The following CDK17 variants were observed in gnomAD, a reference collection of about 807,000 sequenced individuals.
CDK17 encodes the protein cyclin-dependent kinase 17.
CDK17 carries 24 observed loss-of-function variants against 77.6 expected under a neutral mutation model. The observed-to-expected ratio is 0.31, with a 90% confidence interval of 0.22 to 0.44. CDK17 has a LOEUF of 0.44. Among genes scored for constraint, CDK17 ranks in the 20% least tolerant of loss-of-function variants. CDK17 has a pLI of 1.00. For synonymous variants in CDK17, 203 were observed against 210.4 expected (o/e 0.96, Z 0.30); for missense variants, 429 against 622.5 (o/e 0.69, Z 3.31).
intron 1 of CDK17, among the ~76,000 whole-genome samples, chr12:96,364,478 C>T (rs1229649568): frequency 6.6e-6 from 1 of 152,156 alleles, no homozygotes; most frequent in African/African-American, 2.4e-5. Context: ...TTGCATATTC[C>T]TGGTGACTAA....
At chr12:96,392,348 A>G (rs1379354906) in intron 1 of CDK17, among the ~76,000 whole-genome samples, 1 of 152,216 alleles carries the variant, frequency 6.6e-6, no homozygotes, top group Non-Finnish European at 1.5e-5. Flanking sequence ...TACTTCAGAC[A>G]TGGATGGATG....
chr12:96,313,445 T>A lies in CDK17; in HGVS notation c.293A>T (p.His98Leu). 6.4e-7 allele frequency: 1 copy of A among 1,554,706 alleles called. No individual in the cohort carries two copies. The highest frequency in any genetic ancestry group is 8.7e-7 in the Non-Finnish European group (1 of 1,150,614). Residue 98 changes from histidine to leucine, a missense_variant, in exon 4 of 17, where the codon CAT (histidine) becomes CTT (leucine). Physicochemically the swap from His to Leu is moderately conservative, Grantham distance 99. This residue lies in a region of CDK17 where 262 missense variants were observed against 385.4 expected (regional missense o/e 0.68). Transcript: ENST00000261211. ...PRNGSRLDIV[H>L]ENLKMGSDGE... is the part of the protein sequence containing the mutation. ...ATCTGATCCCATTTTTAGATTTTCATGAACAATATCTATATCAAAAAATGA... is the reference window on the plus strand; with the variant it reads ...ATCTGATCCCATTTTTAGATTTTCAAGAACAATATCTATATCAAAAAATGA...
chr12:96,324,920 G>A (rs1952873689), intron 2 of CDK17, among the ~76,000 whole-genome samples: 1 of 151,976 alleles, frequency 6.6e-6, no homozygotes, highest in Admixed American at 6.6e-5. Context: ...CAATACAGAG[G>A]CTCCAAGTTT....
intron 11 of CDK17, among the ~76,000 whole-genome samples, chr12:96,287,531 G>C (rs1952261989): frequency 6.6e-6 from 1 of 152,120 alleles, no homozygotes; most frequent in South Asian, 2.1e-4. Flanking sequence ...ATTACTATAT[G>C]ATCCAGCAAT....
chr12:96,312,816 A>AG (rs1377833276), intron 4 of CDK17, among the ~76,000 whole-genome samples: 7 of 152,202 alleles, frequency 4.6e-5, no homozygotes, highest in Non-Finnish European at 7.3e-5. Flanking sequence ...TGTGCTTCAG[A>AG]GATCAGTAGG....
At chr12:96,282,400 G>A in intron 15 of CDK17, 109 bp downstream of exon 15, 1 of 680,984 alleles carries the variant, frequency 1.5e-6, no homozygotes, top group South Asian at 1.8e-5. Context: ...CTATAGAGAA[G>A]ACTAGAATCT....
chr12:96,368,467 C>T, intron 1 of CDK17, among the ~76,000 whole-genome samples: 1 of 152,150 alleles, frequency 6.6e-6, no homozygotes, highest in East Asian at 1.9e-4. Context: ...TGCTCTGCAG[C>T]TGGCCAGTCA....
chr12:96,290,056 T>C (rs1383070987), intron 10 of CDK17, among the ~76,000 whole-genome samples: 1 of 152,154 alleles, frequency 6.6e-6, no homozygotes, highest in African/African-American at 2.4e-5. Flanking sequence ...AATCTCATAA[T>C]GTTTTAAGAA....
intron 1 of CDK17, among the ~76,000 whole-genome samples, chr12:96,396,221 G>A (rs940247678): frequency 9.2e-5 from 14 of 152,190 alleles, no homozygotes; most frequent in African/African-American, 3.4e-4. Context: ...AAACTACACT[G>A]AGGTATATTC....
intron 1 of CDK17, among the ~76,000 whole-genome samples, chr12:96,392,908 A>AT (rs1252241741): frequency 2.0e-5 from 3 of 152,240 alleles, no homozygotes; most frequent in African/African-American, 7.2e-5. Context: ...GTTATCTTAT[A>AT]TGTTACAATA....
chr12:96,340,808 ATT>A (rs1953111226), intron 1 of CDK17, among the ~76,000 whole-genome samples: 1 of 152,196 alleles, frequency 6.6e-6, no homozygotes, highest in Non-Finnish European at 1.5e-5. Flanking sequence ...TTTAATAAAA[ATT>A]TTTGAGATTA....
At chr12:96,322,327 T>C (rs1284233747) in intron 3 of CDK17, among the ~76,000 whole-genome samples, 1 of 152,202 alleles carries the variant, frequency 6.6e-6, no homozygotes, top group African/African-American at 2.4e-5. Flanking sequence ...CAATACACTG[T>C]CTTAGTTCTA....
At position 96,297,256 on chromosome 12, in the gene CDK17, G is replaced by C. The variant is rs371447249; in HGVS notation, c.873+14C>G. On this transcript the variant is annotated intron_variant, in intron 9 of 16. Transcript: ENST00000261211. Reference sequence around the variant, plus strand: ...TAAACAAAATTTAAAAATTACACACGCAAGAAAACATACCTTTACGTTGTG... The same window carrying C: ...TAAACAAAATTTAAAAATTACACACCCAAGAAAACATACCTTTACGTTGTG... 1.3e-6 allele frequency: 2 copies of C among 1,572,490 alleles called. No homozygotes were observed. Among genetic ancestry groups the C allele is most frequent in the Non-Finnish European group, 1.7e-6 (2 of 1,146,890 alleles).
At chr12:96,297,428 A>T (rs1952423785) in intron 8 of CDK17, 96 bp from the exon 9 acceptor site, 1 of 856,640 alleles carries the variant, frequency 1.2e-6, no homozygotes, top group East Asian at 2.5e-5. Flanking sequence ...TTGTTTTTCA[A>T]GAAAAGATAC....
intron 3 of CDK17, among the ~76,000 whole-genome samples, chr12:96,318,015 A>C (rs1179797559): frequency 6.6e-6 from 1 of 152,160 alleles, no homozygotes; most frequent in Non-Finnish European, 1.5e-5. Context: ...AGTTGGATAA[A>C]GAGTCAAGAC....
intron 1 of CDK17, among the ~76,000 whole-genome samples, chr12:96,394,838 TTTA>T (rs1954142173): frequency 1.3e-5 from 2 of 149,508 alleles, no homozygotes; most frequent in African/African-American, 4.9e-5. Flanking sequence ...ACAAAAAATA[TTTA>T]TTATTTTATT....
chr12:96,377,517 G>A (rs1408845731), intron 1 of CDK17, among the ~76,000 whole-genome samples: 1 of 152,032 alleles, frequency 6.6e-6, no homozygotes, highest in African/African-American at 2.4e-5. Context: ...CATTGATAAT[G>A]AGAAAAATAC....
At chr12:96,310,946 G>C in intron 5 of CDK17, 106 bp downstream of exon 5, 1 of 1,149,464 alleles carries the variant, frequency 8.7e-7, no homozygotes, top group Non-Finnish European at 1.2e-6. Context: ...ATAAAATTTA[G>C]CTATTCTAAA....
intron 3 of CDK17, among the ~76,000 whole-genome samples, chr12:96,322,555 C>G (rs1027547603): frequency 6.6e-6 from 1 of 151,402 alleles, no homozygotes; most frequent in Non-Finnish European, 1.5e-5. Flanking sequence ...AGGGCCTGAT[C>G]TGTAGTGTTT....
Sources: gnomAD v4.1 joint callset for allele counts (sites outside exome capture counted in the v4.1 genomes callset) on GRCh38, gnomAD v4.1.1 for gene constraint, gnomAD v4.1.1 regional missense constraint, MANE v1.5 for transcripts, NCBI Gene and HGNC (gene_info 2026-07-23, HGNC 2026-07-21) for gene names.